Variants in MAN2B2 observed in about 807,000 individuals in gnomAD.
MAN2B2 encodes mannosidase alpha class 2B member 2.
Under a neutral mutation model 117.1 loss-of-function variants are expected in MAN2B2, and 106 were observed. The observed-to-expected ratio is 0.90, with a 90% CI of 0.77 to 1.06. The LOEUF is 1.06. MAN2B2 is among the 50% of genes least tolerant of loss of function. The pLI, the probability that MAN2B2 is intolerant of heterozygous loss-of-function variation, is 0.00. For synonymous variants in MAN2B2, 544 were observed against 595.1 expected (o/e 0.91, Z 1.25); for missense variants, 1,326 against 1,381.4 (o/e 0.96, Z 0.64).
chr4:6,593,117 G>C lies in MAN2B2; in HGVS notation c.681-56G>C, dbSNP rs145614444. ...GGGAGAACATGGCACTTGGGTGTGA[G>C]CCCTGGCTGTCCACAGAGTTCGTGT... On this transcript the variant is annotated intron_variant, in intron 5 of 18. Coordinates refer to ENST00000285599, the MANE Select transcript of MAN2B2 (RefSeq NM_015274.3). 7.1e-3 allele frequency: 11,190 copies of C among 1,569,164 alleles called. 69 individuals carry two copies. Among genetic ancestry groups the C allele is most frequent in the Non-Finnish European group, 8.2e-3 (9,376 of 1,149,428 alleles).
At chr4:6,579,752 T>C (rs62287297) in intron 3 of MAN2B2, among the ~76,000 whole-genome samples, 49,674 of 152,022 alleles carry the variant, frequency 0.33, 9,429 homozygotes, top group East Asian at 0.6. Context: ...ACCACCACCA[T>C]GACCATCTCC....
chr4:6,594,668 C>T lies in MAN2B2; in HGVS notation c.993C>T (p.Ala331=), dbSNP rs1159295590. 6 of 1,613,308 alleles carry T rather than the reference C, an allele frequency of 3.7e-6. No individual in the cohort carries two copies. The highest frequency in any genetic ancestry group is 1.7e-5 in the Admixed American group (1 of 59,988). ...QYATLGDYFR[A]LHALNVTWRV... is the part of the protein sequence containing the mutation. ...CCACGCTGGGCGACTACTTCCGTGCCCTGCACGCTCTCAATGTCACCTGGC... is the reference window on the plus strand; with the variant it reads ...CCACGCTGGGCGACTACTTCCGTGCTCTGCACGCTCTCAATGTCACCTGGC... The change falls in exon 7 of 19, where the codon GCC becomes GCT. Residue 331 remains alanine (A), a synonymous_variant. Transcript: ENST00000285599.
At chr4:6,610,259 C>T (rs985235408) in intron 13 of MAN2B2, among the ~76,000 whole-genome samples, 48 of 152,254 alleles carry the variant, frequency 3.2e-4, no homozygotes, top group Non-Finnish European at 5.6e-4. Context: ...CAGGTTCAAG[C>T]GATTCTCCTG....
At position 6,598,273 on chromosome 4, in the gene MAN2B2, G is replaced by C; in HGVS notation, c.1324G>C (p.Gly442Arg). The C allele has an allele frequency of 6.2e-7, 1 of 1,613,702 alleles. No homozygotes were observed. Among genetic ancestry groups the C allele is most frequent in the Non-Finnish European group, 8.5e-7 (1 of 1,180,032 alleles). The stretch of plus-strand genomic sequence containing the variant: ...CATGTACGCAACGCACCTGGCCTCG[G>C]GGATGCTGGGCATGCGCAAGCTGAT... ...RDMYATHLAS[G>R]MLGMRKLMAS... Residue 442 changes from glycine (G) to arginine (R), a missense_variant, in exon 9 of 19, where the codon GGG (glycine) becomes CGG (arginine). Physicochemically the swap from Gly to Arg is moderately radical, Grantham distance 125. Coordinates refer to ENST00000285599, the MANE Select transcript of MAN2B2 (RefSeq NM_015274.3).
rs372129935 is a variant in MAN2B2, at chr4:6,614,253, G to A, written c.2599G>A (p.Glu867Lys). 2.5e-6 allele frequency: 4 copies of A among 1,613,982 alleles called. No homozygotes were observed. In the African/African-American group the frequency reaches 5.3e-5, roughly 22 times the overall value. ...GAAGCTCCCAGGACCCCAGCAGCAA[G>A]AGGCCGTGACGCTGCCCCCGAATCT... ...APKLPGPQQQ[E>K]AVTLPPNLHL... The change falls in exon 16 of 19, where the codon GAG becomes AAG. Residue 867 changes from glutamate to lysine, a missense_variant. Transcript: ENST00000285599.
intron 10 of MAN2B2, 61 bp downstream of exon 10, chr4:6,600,817 G>A: frequency 6.3e-7 from 1 of 1,591,714 alleles, no homozygotes; most frequent in Non-Finnish European, 8.6e-7. Flanking sequence ...CTCTGGGCCG[G>A]GCACATTGTC....
At chr4:6,579,331 C>CCACCATCACCAT (rs1726310113) in intron 3 of MAN2B2, among the ~76,000 whole-genome samples, 3 of 84,744 alleles carry the variant, frequency 3.5e-5, no homozygotes, top group Non-Finnish European at 7.4e-5. Flanking sequence ...ACCACCACCA[C>CCACCATCACCAT]CACCACCACC....
At chr4:6,608,107 CT>C (rs1727620756) in intron 11 of MAN2B2, among the ~76,000 whole-genome samples, 1 of 152,116 alleles carries the variant, frequency 6.6e-6, no homozygotes, top group Non-Finnish European at 1.5e-5. Context: ...TGTAAGAGTT[CT>C]TTATATATTC....
At chr4:6,607,916 A>G (rs1727613679) in intron 11 of MAN2B2, among the ~76,000 whole-genome samples, 1 of 152,186 alleles carries the variant, frequency 6.6e-6, no homozygotes, top group Admixed American at 6.5e-5. Context: ...CTTTTCAATT[A>G]TAGCCATTCT....
chr4:6,585,773 A>G (rs140022507), intron 3 of MAN2B2, among the ~76,000 whole-genome samples: 7 of 151,770 alleles, frequency 4.6e-5, no homozygotes, highest in East Asian at 1.9e-4. Flanking sequence ...TGGAGGGTCT[A>G]CTCCAGGCTG....
intron 7 of MAN2B2, among the ~76,000 whole-genome samples, chr4:6,596,149 AGGTGGGCGTGGTATCCAGGCGGGTGTG>A (rs1310656503): frequency 1.4e-5 from 2 of 142,942 alleles, no homozygotes; most frequent in Admixed American, 1.4e-4. Flanking sequence ...CGTGGTATCC[AGGTGGGCGTGGTATCCAGGCGGGTGTG>A]GGTGGGCGTG....
Position 6,610,040 on chromosome 4 carries a change from G to A in MAN2B2, c.2249G>A (p.Ser750Asn). The change falls in exon 13 of 19, where the codon AGC becomes AAC. Residue 750 changes from serine to asparagine, a missense_variant. Ser to Asn is a conservative substitution (Grantham distance 46). Coordinates refer to ENST00000285599, the MANE Select transcript of MAN2B2 (RefSeq NM_015274.3). ...RRPYVSYVNN[S>N]IARNYYPMVQ... is the part of the protein sequence containing the mutation. ...CCCTACGTTTCCTATGTGAACAACA[G>A]CATCGCCCGGGTATGTCCTGCAATG... is the stretch of plus-strand genomic sequence containing the variant. The A allele has an allele frequency of 6.2e-7, 1 of 1,614,098 alleles. No homozygotes were observed. The highest frequency in any genetic ancestry group is 8.5e-7 in the Non-Finnish European group (1 of 1,180,008).
chr4:6,617,527 A>G lies in MAN2B2; in HGVS notation c.2814+35A>G, dbSNP rs557525786. The G allele has an allele frequency of 2.5e-6, 4 of 1,611,630 alleles. No homozygotes were observed. The South Asian group carries it at 4.4e-5, about 18-fold the overall frequency. On this transcript the variant is annotated intron_variant, in intron 17 of 18. Transcript: ENST00000285599. ...CCCACCCCCATCCAGACCATAAGCC[A>G]GGGAAGCAAACCCTAGATGAAGCCC...
chr4:6,588,949 T>A, intron 4 of MAN2B2, 96 bp from the exon 5 acceptor site: 2 of 823,496 alleles, frequency 2.4e-6, no homozygotes, highest in Non-Finnish European at 2.0e-6. Flanking sequence ...AGGGCCAAGG[T>A]GAGGGCAGGC....
chr4:6,589,090 C>T lies in MAN2B2; in HGVS notation c.610C>T (p.Gln204Ter). Residue 204 changes from glutamine to a stop codon, truncating the protein, a stop_gained, in exon 5 of 19, where the codon CAG becomes TAG. Transcript: ENST00000285599. LOFTEE classifies it high-confidence loss of function. ...AGGGTCCCCATCCCTCTCAGAGCGG[C>T]AGGAAATCTTCACGCACATCATGGA... is the stretch of plus-strand genomic sequence containing the variant. ...WRGSPSLSER[Q>*]EIFTHIMDQY... 6.2e-7 allele frequency: 1 copy of T among 1,614,216 alleles called. No homozygotes were observed. Among genetic ancestry groups the T allele is most frequent in the African/African-American group, 1.3e-5 (1 of 75,074 alleles).
chr4:6,593,567 C>T (rs1477352967), intron 6 of MAN2B2, among the ~76,000 whole-genome samples: 2 of 152,244 alleles, frequency 1.3e-5, no homozygotes, highest in Admixed American at 6.5e-5. Flanking sequence ...CTGGCCTCTC[C>T]AGCTCCCACT....
At chr4:6,596,170 G>A (rs181380054) in intron 7 of MAN2B2, among the ~76,000 whole-genome samples, 6 of 151,598 alleles carry the variant, frequency 4.0e-5, no homozygotes, top group South Asian at 4.2e-4. Context: ...GTATCCAGGC[G>A]GGTGTGGGTG....
At chr4:6,598,568 A>G (rs1727202366) in intron 9 of MAN2B2, among the ~76,000 whole-genome samples, 1 of 152,236 alleles carries the variant, frequency 6.6e-6, no homozygotes, top group South Asian at 2.1e-4. Context: ...TGTTACAAGA[A>G]GAGCCAGAAA....
Sources: gnomAD v4.1 joint callset for allele counts (sites outside exome capture counted in the v4.1 genomes callset) on GRCh38, gnomAD v4.1.1 for gene constraint, MANE v1.5 for transcripts, NCBI Gene and HGNC (gene_info 2026-07-23, HGNC 2026-07-21) for gene names.